Variants in PDF observed in about 807,000 individuals in gnomAD.
The protein encoded by PDF is peptide deformylase-like protein.
Under a neutral mutation model 20.3 loss-of-function variants are expected in PDF, and 31 were observed. The ratio of observed to expected loss-of-function variants is 1.52; its 90% CI spans 1.15 to 2.06. PDF has a LOEUF of 2.06. Ranked by LOEUF, PDF falls within the 30% of genes most tolerant of loss-of-function variation. The probability of loss-of-function intolerance (pLI) is 0.00; values close to 1 mark genes in which losing one functional copy is unlikely to be tolerated. For missense variants in PDF, 447 were observed against 362.5 expected (o/e 1.23, Z -1.89); for synonymous variants, 254 against 172.0 (o/e 1.48, Z -3.73).
In PDF at chr16:69,328,670, G is replaced by A. The variant is rs1404460305; in HGVS notation, c.*352C>T. 8.9e-6 allele frequency: 2 copies of A among 225,838 alleles called. No individual in the cohort carries two copies. Among genetic ancestry groups the A allele is most frequent in the Non-Finnish European group, 1.7e-5 (2 of 115,510 alleles). The allele number at this position is 225,838 out of a possible 1,614,324, so 14.0% of individuals were successfully genotyped here. Reference sequence around the variant, plus strand: ...TTTAAAGACAGCTTTCAGGTATTTGGGGACTACATTATTACCAAACCTTGG... The same window carrying A: ...TTTAAAGACAGCTTTCAGGTATTTGAGGACTACATTATTACCAAACCTTGG... On this transcript the variant is annotated 3_prime_UTR_variant, in exon 2 of 2. Transcript: ENST00000288022.
Position 69,328,816 on chromosome 16 carries a change from T to C in PDF, c.*206A>G, listed in dbSNP as rs1274895433. Reference sequence around the variant, plus strand: ...ACTCCTTTGGGGGTGATTTTTCTCCTCAAGTTGTAGCCAACATTTTGTCCG... The same window carrying C: ...ACTCCTTTGGGGGTGATTTTTCTCCCCAAGTTGTAGCCAACATTTTGTCCG... On this transcript the variant is annotated 3_prime_UTR_variant, in exon 2 of 2. Transcript: ENST00000288022. 9 of 638,028 alleles carry C rather than the reference T, an allele frequency of 1.4e-5. No homozygotes were observed. Among genetic ancestry groups the C allele is most frequent in the Non-Finnish European group, 2.3e-5 (9 of 390,070 alleles). The allele number at this position is 638,028 out of a possible 1,614,324, so 39.5% of individuals were successfully genotyped here.
At chr16:69,329,946 C>A in intron 1 of PDF, 51 bp downstream of exon 1, 1 of 1,481,872 alleles carries the variant, frequency 6.7e-7, no homozygotes, top group Non-Finnish European at 8.9e-7. Context: ...CGGAGTCGGG[C>A]AGAAGAGACG....
chr16:69,330,544 A>T lies in PDF; in HGVS notation c.27T>A (p.Ser9Arg), dbSNP rs755417363. The T allele has an allele frequency of 4.1e-6, 6 of 1,475,924 alleles. No individual in the cohort carries two copies. The South Asian group carries it at 7.7e-5, about 19-fold the overall frequency. 91.4% of individuals were successfully genotyped at this position (1,475,924 alleles called of 1,614,324 possible). Residue 9 changes from serine (S) to arginine (R), a missense_variant, in exon 1 of 2, where the codon AGT becomes AGA. Physicochemically the swap from Ser to Arg is moderately radical, Grantham distance 110. Transcript: ENST00000288022. MARLWGALSLWPLWAAVPW... is the reference protein window; with the variant it reads MARLWGALRLWPLWAAVPW... ...GCACGGCCGCCCACAGTGGCCAAAG[A>T]CTCAGCGCGCCCCACAGCCGGGCCA...
chr16:69,329,886 G>T, intron 1 of PDF, 111 bp downstream of exon 1: 2 of 1,297,944 alleles, frequency 1.5e-6, no homozygotes, highest in Non-Finnish European at 2.0e-6. Context: ...ATCCCACTTC[G>T]CTCCTGCGGG....
chr16:69,327,845 T>A lies in PDF; in HGVS notation c.*1177A>T, dbSNP rs1965648791. On this transcript the variant is annotated 3_prime_UTR_variant, in exon 2 of 2. Transcript: ENST00000288022. ...TGGGCAACATAGTAAGACCCCCGTC[T>A]CTATCTTAAAAAAAAAATAAAAGAA... 6.7e-6 allele frequency: 1 copy of A among 150,180 alleles called. No individual in the cohort carries two copies. Among genetic ancestry groups the A allele is most frequent in the African/African-American group, 2.5e-5 (1 of 40,298 alleles). 9.3% of individuals were successfully genotyped at this position (150,180 alleles called of 1,614,324 possible).
rs2011685527 is a variant in PDF, at chr16:69,330,241, G to A, written c.330C>T (p.Gly110=). The stretch of plus-strand genomic sequence containing the variant: ...GCACCCCCAGCTGCGGCGCGCTTAG[G>A]CCCACGCAGCGCCGCCGCCGCATCA... ...VQVMRRRRCV[G]LSAPQLGVPR... is the part of the protein sequence containing the mutation. Residue 110 remains glycine (G), a synonymous_variant, in exon 1 of 2, where the codon GGC becomes GGT. Transcript: ENST00000288022. 11 of 1,442,006 alleles carry A rather than the reference G, an allele frequency of 7.6e-6. No individual in the cohort carries two copies. Among genetic ancestry groups the A allele is most frequent in the African/African-American group, 1.5e-5 (1 of 66,760 alleles). The allele number at this position is 1,442,006 out of a possible 1,614,324, so 89.3% of individuals were successfully genotyped here. A position where few individuals can be genotyped will look rare whatever the true frequency, so the allele number is the denominator to read the frequency against.
Sources: allele counts gnomAD v4.1 joint callset, GRCh38; gene constraint gnomAD v4.1.1; transcripts MANE v1.5; gene names NCBI Gene and HGNC (gene_info 2026-07-23, HGNC 2026-07-21).